Variants in SYNGR1 observed in about 807,000 individuals in gnomAD.
SYNGR1 encodes the protein synaptogyrin-1.
A neutral mutation model predicts 26.1 loss-of-function variants in SYNGR1; 14 were observed. The observed-to-expected ratio is 0.54, with a 90% confidence interval of 0.35 to 0.84. The LOEUF (loss-of-function observed/expected upper bound fraction) is 0.84. SYNGR1 is among the 40% of genes least tolerant of loss of function. The pLI, the probability that SYNGR1 is intolerant of heterozygous loss-of-function variation, is 0.01. For missense variants in SYNGR1, 319 were observed against 332.9 expected, an observed-to-expected ratio of 0.96 and a Z score of 0.33; for synonymous variants, 141 against 150.1, an observed-to-expected ratio of 0.94 and a Z score of 0.44.
rs1043395 is a variant in SYNGR1 at position 39,384,956 on chromosome 22, C to G, written c.*3042C>G. 1 of 398,826 alleles carries G rather than the reference C, an allele frequency of 2.5e-6. No individual in the cohort carries two copies. The highest frequency in any genetic ancestry group is 3.5e-5 in the East Asian group (1 of 28,202). The allele number at this position is 398,826 out of a possible 1,614,324, so 24.7% of individuals were successfully genotyped here. A position where few individuals can be genotyped will look rare whatever the true frequency, so the allele number is the denominator to read the frequency against. On this transcript the variant is annotated 3_prime_UTR_variant, in exon 4 of 4. Transcript: ENST00000328933. ...CACAGACTGTCCTGCCTGCACGGCT[C>G]CTATCCACCTGGGGGTGTCGCAGTT...
chr22:39,359,697 T>G (rs1924376469), intron 1 of SYNGR1, among the ~76,000 whole-genome samples: 2 of 149,956 alleles, frequency 1.3e-5, no homozygotes, highest in Non-Finnish European at 3.0e-5. Context: ...TCTCCAGCAC[T>G]GCTCCTGCTC....
chr22:39,359,630 CAAAAAAAAAAAAAAAA>C (rs60500594), intron 1 of SYNGR1, among the ~76,000 whole-genome samples: 1 of 78,136 alleles, frequency 1.3e-5, no homozygotes, highest in African/African-American at 4.6e-5. Context: ...GACTCTGTCT[CAAAAAAAAAAAAAAAA>C]AAAAAAAAAA....
chr22:39,364,992 T>A (rs898174602), intron 1 of SYNGR1, among the ~76,000 whole-genome samples: 2 of 152,228 alleles, frequency 1.3e-5, no homozygotes, highest in Non-Finnish European at 2.9e-5. Flanking sequence ...CAGGTTTACC[T>A]TGATGCCTTT....
intron 1 of SYNGR1, among the ~76,000 whole-genome samples, chr22:39,353,810 G>A (rs1348761204): frequency 6.6e-6 from 1 of 152,142 alleles, no homozygotes; most frequent in Non-Finnish European, 1.5e-5. Flanking sequence ...TTTTGCAGGG[G>A]GCTAAGATGG....
At chr22:39,360,759 G>A (rs538997436) in intron 1 of SYNGR1, among the ~76,000 whole-genome samples, 20 of 152,316 alleles carry the variant, frequency 1.3e-4, no homozygotes, top group African/African-American at 4.8e-4. Flanking sequence ...GGGACAGGCA[G>A]GTGACACCAG....
chr22:39,372,979 G>A (rs1778055425), intron 1 of SYNGR1, among the ~76,000 whole-genome samples: 1 of 152,046 alleles, frequency 6.6e-6, no homozygotes, highest in African/African-American at 2.4e-5. Context: ...CAAGATGGAG[G>A]CAGAAATCCT....
chr22:39,382,917 AG>A lies in SYNGR1; in HGVS notation c.*1007del, dbSNP rs1925546092. The A allele has an allele frequency of 6.6e-6, 1 of 152,240 alleles. No individual in the cohort carries two copies. Among genetic ancestry groups the A allele is most frequent in the Admixed American group, 6.5e-5 (1 of 15,278 alleles). The allele number at this position is 152,240 out of a possible 1,614,324, so 9.4% of individuals were successfully genotyped here. On this transcript the variant is annotated 3_prime_UTR_variant, in exon 4 of 4. Coordinates refer to ENST00000328933, the MANE Select transcript of SYNGR1 (RefSeq NM_004711.5). ...ACTGATCACTGTCCTTGCCTCTAGG[AG>A]GGGTCACTAAGCCCTTACCTAGGGC...
intron 1 of SYNGR1, among the ~76,000 whole-genome samples, chr22:39,362,140 G>C (rs1321167940): frequency 6.6e-6 from 1 of 151,810 alleles, no homozygotes; most frequent in Non-Finnish European, 1.5e-5. Flanking sequence ...GAGCCACCGT[G>C]CCCGGCCAAT....
At chr22:39,351,875 T>C (rs964893407) in intron 1 of SYNGR1, among the ~76,000 whole-genome samples, 2 of 152,156 alleles carry the variant, frequency 1.3e-5, no homozygotes, top group South Asian at 2.1e-4. Context: ...AATTTCATGG[T>C]GAAGGTGATG....
chr22:39,358,784 C>T (rs560326366), intron 1 of SYNGR1, among the ~76,000 whole-genome samples: 2 of 152,202 alleles, frequency 1.3e-5, no homozygotes, highest in South Asian at 2.1e-4. Context: ...CCACCAATTC[C>T]GGACACAAGA....
At chr22:39,362,137 C>T (rs773564871) in intron 1 of SYNGR1, among the ~76,000 whole-genome samples, 1 of 152,036 alleles carries the variant, frequency 6.6e-6, no homozygotes, top group East Asian at 1.9e-4. Context: ...CATGAGCCAC[C>T]GTGCCCGGCC....
chr22:39,374,583 A>G lies in SYNGR1; in HGVS notation c.337+30A>G, dbSNP rs773088722. ...GCCCCACCCAGCAGGTACCCCCTGC[A>G]CAGAGTCTACAGAGGGCTGTCCCGG... On this transcript the variant is annotated intron_variant, in intron 2 of 3. Coordinates refer to ENST00000328933, the MANE Select transcript of SYNGR1 (RefSeq NM_004711.5). 5 of 1,607,182 alleles carry G rather than the reference A, an allele frequency of 3.1e-6. No individual in the cohort carries two copies. In the Admixed American group the frequency reaches 5.0e-5, roughly 16 times the overall value.
At chr22:39,380,412 CT>C (rs1483829780) in intron 3 of SYNGR1, among the ~76,000 whole-genome samples, 4 of 151,574 alleles carry the variant, frequency 2.6e-5, no homozygotes, top group Non-Finnish European at 4.4e-5. Flanking sequence ...GGCATCTTTC[CT>C]TTTTTTTAGA....
rs553379067 is a variant in SYNGR1 at position 39,360,315 on chromosome 22, A to G, written c.99+10206A>G. On this transcript the variant is annotated intron_variant, in intron 1 of 3. Coordinates refer to ENST00000328933, the MANE Select transcript of SYNGR1 (RefSeq NM_004711.5). ...GCAAATGTGCGTGATTCCCCATCTC[A>G]GGAAGACACTCCCTCATCCATTTCT... 2.6e-5 allele frequency among the ~76,000 whole-genome samples: 4 copies of G among 152,218 alleles called. No homozygotes were observed. The East Asian group carries it at 7.7e-4, about 29-fold the overall frequency.
In SYNGR1 at chr22:39,376,157, G is replaced by C; in HGVS notation, c.443G>C (p.Arg148Pro). 5.6e-6 allele frequency: 9 copies of C among 1,614,178 alleles called. No individual in the cohort carries two copies. Among genetic ancestry groups the C allele is most frequent in the Non-Finnish European group, 7.6e-6 (9 of 1,180,036 alleles). ...CTGAACGAAGGGACGGACGCAGCCC[G>C]GGCCGCCATCGCCTTCTCCTTTTTC... Reference protein sequence around the residue: ...NPLNEGTDAARAAIAFSFFSI... With the variant: ...NPLNEGTDAAPAAIAFSFFSI... The change falls in exon 3 of 4, where the codon CGG becomes CCG. Residue 148 changes from arginine (R) to proline (P), a missense_variant. Arg to Pro is a moderately radical substitution (Grantham distance 103, BLOSUM62 -2). Transcript: ENST00000328933.
chr22:39,377,926 A>G (rs1001538591), intron 3 of SYNGR1: 3 of 1,357,672 alleles, frequency 2.2e-6, no homozygotes, highest in Non-Finnish European at 2.9e-6. Context: ...TTTTGTGCCT[A>G]GTGATGAATT....
At chr22:39,361,618 C>G (rs142952844) in intron 1 of SYNGR1, among the ~76,000 whole-genome samples, 3,339 of 152,118 alleles carry the variant, frequency 0.022, 56 homozygotes, top group Middle Eastern at 0.044. Context: ...CCTCTGCCTC[C>G]CAAAGTGCCG....
chr22:39,360,359 T>C (rs1444936249), intron 1 of SYNGR1, among the ~76,000 whole-genome samples: 1 of 152,168 alleles, frequency 6.6e-6, no homozygotes, highest in African/African-American at 2.4e-5. Context: ...TCAGAAGAGT[T>C]GTCACCGTCT....
chr22:39,377,104 C>G, intron 3 of SYNGR1: 1 of 1,544,440 alleles, frequency 6.5e-7, no homozygotes, highest in Non-Finnish European at 8.7e-7. Context: ...GCGAGCACTT[C>G]TGGGCCCAGC....
Sources: allele counts gnomAD v4.1 joint callset (sites outside exome capture counted in the v4.1 genomes callset), GRCh38; gene constraint gnomAD v4.1.1; transcripts MANE v1.5; gene names NCBI Gene and HGNC (gene_info 2026-07-23, HGNC 2026-07-21).